PHKA2: variants seen among roughly 807,000 people sequenced by gnomAD.
PHKA2 encodes phosphorylase b kinase regulatory subunit alpha, liver isoform.
A neutral mutation model predicts 102.0 loss-of-function variants in PHKA2; 31 were observed. The ratio of observed to expected loss-of-function variants is 0.30; its 90% CI spans 0.23 to 0.41. PHKA2 has a LOEUF of 0.41. PHKA2 is among the 10% of genes least tolerant of loss of function. The pLI is 1.00. For missense variants in PHKA2, 858 were observed against 1,023.1 expected (o/e 0.84, Z 2.20); for synonymous variants, 455 against 416.2 (o/e 1.09, Z -1.13).
intron 1 of PHKA2, among the ~76,000 whole-genome samples, chrX:18,969,657 A>G (rs1041070886): frequency 9.0e-6 from 1 of 111,507 alleles, no homozygotes; most frequent in Non-Finnish European, 1.9e-5. Flanking sequence ...AAAAAAGGCA[A>G]ATCACATCTT....
chrX:18,956,194 C>T (rs1439349271), intron 1 of PHKA2, among the ~76,000 whole-genome samples: 3 of 110,975 alleles, frequency 2.7e-5, no homozygotes, highest in East Asian at 2.8e-4. Context: ...TGTGGTGGTG[C>T]GCGCCTATAG....
At chrX:18,916,413 G>A (rs957166941) in intron 19 of PHKA2, among the ~76,000 whole-genome samples, 5 of 111,982 alleles carry the variant, frequency 4.5e-5, no homozygotes, top group African/African-American at 1.3e-4. Flanking sequence ...TGGCCTGGGC[G>A]ACAGAGTGAT....
intron 28 of PHKA2, 102 bp downstream of exon 28, chrX:18,900,568 C>T: frequency 3.8e-6 from 3 of 781,543 alleles, no homozygotes; most frequent in East Asian, 3.2e-5. Context: ...TGGATAGAGC[C>T]GCCCTCTACA....
chrX:18,922,697 G>A (rs1242952234), intron 17 of PHKA2, among the ~76,000 whole-genome samples: 5 of 111,189 alleles, frequency 4.5e-5, no homozygotes, highest in Admixed American at 9.6e-5. Context: ...GTTGCTAGGG[G>A]CGGGAGGAGG....
At chrX:18,911,172 ATTTTTTTT>A (rs201671901) in intron 19 of PHKA2, among the ~76,000 whole-genome samples, 6 of 96,758 alleles carry the variant, frequency 6.2e-5, no homozygotes, top group African/African-American at 2.3e-4. Context: ...CGCCCAGCTA[ATTTTTTTT>A]TTTTTTTTTT....
In PHKA2 at chrX:18,936,587, G is replaced by A. The variant is rs754285344; in HGVS notation, c.1042-437C>T. 7.1e-5 allele frequency among the ~76,000 whole-genome samples: 8 copies of A among 112,226 alleles called. No individual in the cohort carries two copies. In the South Asian group the frequency reaches 3.0e-3, roughly 42 times the overall value. On this transcript the variant is annotated intron_variant, in intron 10 of 32. Coordinates refer to ENST00000379942, the MANE Select transcript of PHKA2 (RefSeq NM_000292.3). ...ACCGGATTATAAACTTCTTGTGGGG[G>A]AAGCTATATCTTAAGCAGTGTACCC...
intron 12 of PHKA2, among the ~76,000 whole-genome samples, chrX:18,930,332 C>T (rs1315417866): frequency 9.0e-6 from 1 of 111,349 alleles, no homozygotes; most frequent in Non-Finnish European, 1.9e-5. Flanking sequence ...GCCCCCACAA[C>T]CCCACTCCCT....
chrX:18,897,336 G>A lies in PHKA2; in HGVS notation c.3112-3C>T, dbSNP rs1400850630. 2 of 1,203,001 alleles carry A rather than the reference G, an allele frequency of 1.7e-6. No individual in the cohort carries two copies. The highest frequency in any genetic ancestry group is 1.7e-5 in the African/African-American group (1 of 57,680). On this transcript the variant is annotated splice_region_variant and splice_polypyrimidine_tract_variant and intron_variant, in intron 29 of 32. Coordinates refer to ENST00000379942, the MANE Select transcript of PHKA2 (RefSeq NM_000292.3). ...GGCGAGGATGGGGTGCTGGACCTCT[G>A]CAAGACAGACAGCTTGGGGCCTCAG...
At chrX:18,962,637 A>G (rs757355799) in intron 1 of PHKA2, among the ~76,000 whole-genome samples, 4 of 111,795 alleles carry the variant, frequency 3.6e-5, no homozygotes, top group Non-Finnish European at 7.5e-5. Flanking sequence ...TACTAAACCC[A>G]TCTTATACCA....
chrX:18,984,036 A>C lies in PHKA2; in HGVS notation c.-104T>G. 4.5e-6 allele frequency: 3 copies of C among 660,429 alleles called. No homozygotes were observed. Among genetic ancestry groups the C allele is most frequent in the Non-Finnish European group, 2.5e-6 (1 of 402,184 alleles). 54.4% of individuals were successfully genotyped at this position (660,429 alleles called of 1,213,427 possible). The stretch of plus-strand genomic sequence containing the variant: ...CTGGTTCCCGGACACTCACAGCCTT[A>C]GTCGGTTCTTGGGATGGGACCGGGC... On this transcript the variant is annotated 5_prime_UTR_variant, in exon 1 of 33. Coordinates refer to ENST00000379942, the MANE Select transcript of PHKA2 (RefSeq NM_000292.3).
Position 18,953,943 on chromosome X carries a change from G to A in PHKA2, c.237+311C>T, listed in dbSNP as rs752142886. Among the ~76,000 whole-genome samples the A allele has an allele frequency of 1.3e-3, 143 of 110,712 alleles. 1 individual carries two copies. Among genetic ancestry groups the A allele is most frequent in the Admixed American group, 8.0e-3 (83 of 10,422 alleles). ...GGAGGTTGCAGTGAGCTGAGATCGC[G>A]CCACTGCACCCCAGCCTGGGTGACA... On this transcript the variant is annotated intron_variant, in intron 2 of 32. Coordinates refer to ENST00000379942, the MANE Select transcript of PHKA2 (RefSeq NM_000292.3).
intron 19 of PHKA2, among the ~76,000 whole-genome samples, chrX:18,915,950 C>T (rs983866883): frequency 4.5e-5 from 5 of 111,718 alleles, no homozygotes; most frequent in Admixed American, 1.9e-4. Flanking sequence ...GAAAACTTTA[C>T]AGGACTGAAA....
chrX:18,971,279 TTTG>T (rs1243306284), intron 1 of PHKA2, among the ~76,000 whole-genome samples: 1 of 112,544 alleles, frequency 8.9e-6, no homozygotes, highest in African/African-American at 3.2e-5. Flanking sequence ...TCAGTCTGAA[TTTG>T]TTGTTTAGAT....
intron 17 of PHKA2, among the ~76,000 whole-genome samples, chrX:18,921,013 C>T (rs1360178872): frequency 8.9e-6 from 1 of 111,776 alleles, no homozygotes; most frequent in Admixed American, 9.5e-5. Flanking sequence ...GGTGCCAGAG[C>T]TTCAGCCTCA....
chrX:18,916,711 T>TC (rs2048025460), intron 19 of PHKA2, among the ~76,000 whole-genome samples: 1 of 111,514 alleles, frequency 9.0e-6, no homozygotes, highest in African/African-American at 3.3e-5. Flanking sequence ...CCTTTTGTCT[T>TC]CCGTCATGAC....
At chrX:18,906,367 T>G in intron 25 of PHKA2, 128 bp downstream of exon 25, 4 of 846,231 alleles carry the variant, frequency 4.7e-6, no homozygotes, top group Non-Finnish European at 7.0e-6. Context: ...TGGTAAGGCC[T>G]GAGCTTGCCA....
chrX:18,923,394 G>A (rs1461683971), intron 17 of PHKA2, among the ~76,000 whole-genome samples: 1 of 111,704 alleles, frequency 9.0e-6, no homozygotes, highest in Non-Finnish European at 1.9e-5. Context: ...AAGAAGATGA[G>A]AGAATAGACA....
intron 19 of PHKA2, chrX:18,915,303 A>T (rs2048001459): frequency 9.1e-6 from 1 of 110,057 alleles, no homozygotes; most frequent in Admixed American, 9.6e-5. Context: ...TGATCATGCC[A>T]CTGCACTTCA....
At chrX:18,941,834 T>G (rs1245688240) in intron 7 of PHKA2, among the ~76,000 whole-genome samples, 159 bp from the exon 8 acceptor site, 1 of 112,943 alleles carries the variant, frequency 8.9e-6, no homozygotes, top group Non-Finnish European at 1.9e-5. Context: ...CAACACTGTA[T>G]ATCCAGCCAA....
Sources: gnomAD v4.1 joint callset for allele counts (sites outside exome capture counted in the v4.1 genomes callset) on GRCh38, gnomAD v4.1.1 for gene constraint, MANE v1.5 for transcripts, NCBI Gene and HGNC (gene_info 2026-07-23, HGNC 2026-07-21) for gene names.